The following NLRP13 variants were observed in gnomAD, a reference collection of about 807,000 sequenced individuals.
NLRP13 encodes the protein NACHT, LRR and PYD domains-containing protein 13.
Under a neutral mutation model 94.4 loss-of-function variants are expected in NLRP13, and 82 were observed. That is an observed-to-expected ratio of 0.87 (90% CI 0.73 to 1.04). The LOEUF (loss-of-function observed/expected upper bound fraction) is 1.04, where lower values mean the gene tolerates loss of function less well. Among genes scored for constraint, NLRP13 ranks in the 50% least tolerant of loss-of-function variants. NLRP13 has a pLI of 0.00. For synonymous variants in NLRP13, 553 were observed against 464.7 expected, an observed-to-expected ratio of 1.19 and a Z score of -2.45; for missense variants, 1,426 against 1,230.8, an observed-to-expected ratio of 1.16 and a Z score of -2.37.
chr19:55,912,773 C>G lies in NLRP13; in HGVS notation c.1044G>C (p.Leu348Phe). The G allele has an allele frequency of 6.2e-7, 1 of 1,614,162 alleles. No individual in the cohort carries two copies. The highest frequency in any genetic ancestry group is 8.5e-7 in the Non-Finnish European group (1 of 1,180,028). ...CCAGGGGAACCAATTCTTTCTTCAACAAGCTGTGTAGGATTTTGGTCACTG... is the reference window on the plus strand; with the variant it reads ...CCAGGGGAACCAATTCTTTCTTCAAGAAGCTGTGTAGGATTTTGGTCACTG... ...ELPVTKILHS[L>F]LKKELVPLAT... The change falls in exon 5 of 11, where the codon TTG becomes TTC. Residue 348 changes from leucine (L) to phenylalanine (F), a missense_variant. Coordinates refer to ENST00000342929, the MANE Select transcript of NLRP13 (RefSeq NM_176810.2).
Position 55,902,046 on chromosome 19 carries a change from C to A in NLRP13, c.2778G>T (p.Leu926=), listed in dbSNP as rs1015363862. 6.2e-7 allele frequency: 1 copy of A among 1,613,956 alleles called. No homozygotes were observed. Among genetic ancestry groups the A allele is most frequent in the African/African-American group, 1.3e-5 (1 of 74,940 alleles). ...CEALGRPDGN[L]QSLNLSGCSF... ...CCAAGAAAACTTACTTCAGGCTCTG[C>A]AGGTTACCATCTGGGCGACCCAAGG... Residue 926 remains leucine (L), a synonymous_variant, in exon 9 of 11, where the codon CTG becomes CTT. Coordinates refer to ENST00000342929, the MANE Select transcript of NLRP13 (RefSeq NM_176810.2).
chr19:55,927,582 G>A (rs1986999977), intron 1 of NLRP13, among the ~76,000 whole-genome samples: 1 of 151,892 alleles, frequency 6.6e-6, no homozygotes, highest in African/African-American at 2.4e-5. Flanking sequence ...GTGTAGTGAG[G>A]TGACACTCTC....
At chr19:55,904,236 G>C (rs911421626) in intron 8 of NLRP13, among the ~76,000 whole-genome samples, 1 of 152,034 alleles carries the variant, frequency 6.6e-6, no homozygotes, top group Non-Finnish European at 1.5e-5. Flanking sequence ...GGGATTATAG[G>C]CACCATGCCC....
chr19:55,930,172 AGG>A (rs1987075378), intron 1 of NLRP13, among the ~76,000 whole-genome samples: 1 of 152,078 alleles, frequency 6.6e-6, no homozygotes, highest in African/African-American at 2.4e-5. Flanking sequence ...CACTCATTTG[AGG>A]GTAGGAGAAG....
At chr19:55,900,619 A>C (rs1050794200) in intron 9 of NLRP13, among the ~76,000 whole-genome samples, 1 of 151,736 alleles carries the variant, frequency 6.6e-6, no homozygotes, top group African/African-American at 2.4e-5. Flanking sequence ...AAAAAAAAAT[A>C]CAAAAAATTA....
chr19:55,914,102 G>A (rs1308647266), intron 4 of NLRP13, among the ~76,000 whole-genome samples: 2 of 152,196 alleles, frequency 1.3e-5, no homozygotes, highest in South Asian at 2.1e-4. Context: ...ACTCTAGGTT[G>A]CCCTGAAGAT....
intron 4 of NLRP13, among the ~76,000 whole-genome samples, chr19:55,919,499 A>G (rs541765660): frequency 6.6e-6 from 1 of 152,204 alleles, no homozygotes; most frequent in East Asian, 1.9e-4. Context: ...AGATTTGATA[A>G]ATGAATTCAT....
intron 1 of NLRP13, among the ~76,000 whole-genome samples, chr19:55,931,183 T>C (rs894991918): frequency 1.6e-4 from 25 of 151,994 alleles, no homozygotes; most frequent in Non-Finnish European, 2.9e-4. Context: ...GCAAGGCTCG[T>C]ACTGAGGAAG....
At chr19:55,927,936 T>G (rs402346) in intron 1 of NLRP13, among the ~76,000 whole-genome samples, 100,175 of 152,022 alleles carry the variant, frequency 0.66, 33,938 homozygotes, top group East Asian at 0.83. Context: ...GTATACACAG[T>G]TGTGTCCGCA....
intron 4 of NLRP13, among the ~76,000 whole-genome samples, chr19:55,918,569 A>C (rs1407844331): frequency 6.6e-6 from 1 of 152,090 alleles, no homozygotes; most frequent in African/African-American, 2.4e-5. Context: ...ACAGAAATAC[A>C]GATGATCAGA....
chr19:55,920,909 T>C (rs1050511681), intron 4 of NLRP13, among the ~76,000 whole-genome samples: 14 of 152,096 alleles, frequency 9.2e-5, no homozygotes, highest in African/African-American at 3.1e-4. Flanking sequence ...TATGTATGTA[T>C]ACACATATAT....
downstream of NLRP13, among the ~76,000 whole-genome samples, chr19:55,892,966 C>G (rs1251673915): frequency 6.6e-6 from 1 of 152,166 alleles, no homozygotes; most frequent in African/African-American, 2.4e-5. Context: ...GACATGGAAC[C>G]AACCTAGGTG....
chr19:55,892,939 C>G (rs1426888392), downstream of NLRP13, among the ~76,000 whole-genome samples: 1 of 152,188 alleles, frequency 6.6e-6, no homozygotes, highest in African/African-American at 2.4e-5. Flanking sequence ...CCTCACAGCA[C>G]TGTTCACAAT....
chr19:55,930,898 A>ATATATATATATATATATATAT, intron 1 of NLRP13, among the ~76,000 whole-genome samples: 4 of 104,900 alleles, frequency 3.8e-5, no homozygotes, highest in Admixed American at 2.2e-4. Flanking sequence ...ATATATATAT[A>ATATATATATATATATATATAT]AAATTTTAAC....
chr19:55,899,273 C>T (rs181987056), intron 9 of NLRP13, among the ~76,000 whole-genome samples: 243 of 152,238 alleles, frequency 1.6e-3, no homozygotes, highest in South Asian at 3.3e-3. Context: ...CCTTCAAGCT[C>T]GACAGTTGAG....
chr19:55,892,346 C>T (rs1434862057), downstream of NLRP13, among the ~76,000 whole-genome samples: 1 of 150,698 alleles, frequency 6.6e-6, no homozygotes, highest in Admixed American at 6.7e-5. Context: ...AGTCCCGTGT[C>T]TTGTCAACAA....
At position 55,912,081 on chromosome 19, in the gene NLRP13, G is replaced by C; in HGVS notation, c.1736C>G (p.Ala579Gly). 6.2e-7 allele frequency: 1 copy of C among 1,614,184 alleles called. No individual in the cohort carries two copies. The change falls in exon 5 of 11, where the codon GCC (alanine) becomes GGC (glycine). Residue 579 changes from alanine to glycine, a missense_variant. Physicochemically the swap from Ala to Gly is moderately conservative, Grantham distance 60. Transcript: ENST00000342929. ...LLQHVLLDKEAYWTPVVLFFF... is the reference protein window; with the variant it reads ...LLQHVLLDKEGYWTPVVLFFF... Reference sequence around the variant, plus strand: ...GAACAGAACCACTGGAGTCCAGTAGGCTTCTTTGTCAAGCAAGACGTGTTG... The same window carrying C: ...GAACAGAACCACTGGAGTCCAGTAGCCTTCTTTGTCAAGCAAGACGTGTTG...
rs1986000833 is a variant in NLRP13 at position 55,896,090 on chromosome 19, C to G, written c.2987G>C (p.Cys996Ser). ...GLAKCNLTTACCQHLFSVLSS... is the reference protein window; with the variant it reads ...GLAKCNLTTASCQHLFSVLSS... ...GAGAACAGAGAAGAGATGCTGGCAG[C>G]AAGCAGTTGTCAGATTGCATTTCGC... The change falls in exon 11 of 11, where the codon TGC becomes TCC. Residue 996 changes from cysteine to serine, a missense_variant. Coordinates refer to ENST00000342929, the MANE Select transcript of NLRP13 (RefSeq NM_176810.2). 2 of 1,613,966 alleles carry G rather than the reference C, an allele frequency of 1.2e-6. No individual in the cohort carries two copies. The highest frequency in any genetic ancestry group is 2.7e-5 in the African/African-American group (2 of 74,908).
chr19:55,925,880 A>C (rs1986954982), intron 1 of NLRP13, among the ~76,000 whole-genome samples: 1 of 152,136 alleles, frequency 6.6e-6, no homozygotes, highest in Non-Finnish European at 1.5e-5. Flanking sequence ...AAGAACAAGA[A>C]TCCATCATTC....
Sources: gnomAD v4.1 joint callset for allele counts (sites outside exome capture counted in the v4.1 genomes callset) on GRCh38, gnomAD v4.1.1 for gene constraint, MANE v1.5 for transcripts, NCBI Gene and HGNC (gene_info 2026-07-23, HGNC 2026-07-21) for gene names.